Variants in ZPBP observed in about 807,000 individuals in gnomAD.
ZPBP encodes zona pellucida-binding protein 1.
In ZPBP, 26 loss-of-function variants were observed where a neutral mutation model predicts 44.8. The ratio of observed to expected loss-of-function variants is 0.58; its 90% CI spans 0.43 to 0.81. The LOEUF is 0.81. ZPBP is among the 30% of genes least tolerant of loss of function. The probability of loss-of-function intolerance (pLI) is 0.00; values close to 1 mark genes in which losing one functional copy is unlikely to be tolerated. For synonymous variants in ZPBP, 174 were observed against 153.2 expected (o/e 1.14, Z -1.00); for missense variants, 409 against 434.0 (o/e 0.94, Z 0.51).
At chr7:49,927,703 C>T (rs1166781712) in intron 1 of ZPBP, among the ~76,000 whole-genome samples, 1 of 152,200 alleles carries the variant, frequency 6.6e-6, no homozygotes, top group Non-Finnish European at 1.5e-5. Context: ...TAAGCGTACT[C>T]AGCAGCCCAT....
At chr7:50,064,968 G>T (rs1801427368) in intron 3 of ZPBP, among the ~76,000 whole-genome samples, 1 of 152,202 alleles carries the variant, frequency 6.6e-6, no homozygotes, top group African/African-American at 2.4e-5. Flanking sequence ...TTGCAGTAAA[G>T]ACAGGAATAA....
chr7:49,852,250 G>A (rs925728225), intron 2 of ZPBP, among the ~76,000 whole-genome samples: 8 of 152,220 alleles, frequency 5.3e-5, no homozygotes, highest in Non-Finnish European at 1.0e-4. Flanking sequence ...TTCCAGGTGA[G>A]TGACCCTGGA....
Position 49,877,489 on chromosome 7 carries a change from T to A in ZPBP, n.509+23629A>T, listed in dbSNP as rs1351174018. Reference sequence around the variant, plus strand: ...AAAAAAAAAAAAAAAAAAATATATATATATATATATATATATATATATATA... The same window carrying A: ...AAAAAAAAAAAAAAAAAAATATATAAATATATATATATATATATATATATA... On this transcript the variant is annotated intron_variant and non_coding_transcript_variant, in intron 2 of 2. Coordinates refer to the ZPBP transcript ENST00000465922. 4.9e-3 allele frequency among the ~76,000 whole-genome samples: 201 copies of A among 41,034 alleles called. 37 individuals are homozygous for A. Among genetic ancestry groups the A allele is most frequent in the African/African-American group, 0.018 (126 of 6,908 alleles). The allele number at this position is 41,034 out of a possible 152,430, so 26.9% of individuals were successfully genotyped here. A position where few individuals can be genotyped will look rare whatever the true frequency, so the allele number is the denominator to read the frequency against.
intron 2 of ZPBP, among the ~76,000 whole-genome samples, chr7:50,083,494 C>T (rs1802473785): frequency 6.6e-6 from 1 of 151,876 alleles, no homozygotes; most frequent in East Asian, 1.9e-4. Flanking sequence ...AGAAGCTCTT[C>T]AATACTGATT....
intron 2 of ZPBP, among the ~76,000 whole-genome samples, chr7:49,881,397 A>C (rs750283577): frequency 6.6e-6 from 1 of 152,164 alleles, no homozygotes; most frequent in Non-Finnish European, 1.5e-5. Context: ...GTCATAGGGG[A>C]GTCTGGAATG....
chr7:49,901,985 T>C (rs1230533953), intron 1 of ZPBP, among the ~76,000 whole-genome samples: 1 of 146,524 alleles, frequency 6.8e-6, no homozygotes, highest in Non-Finnish European at 1.5e-5. Flanking sequence ...AGCATCCACA[T>C]GTGAAAAAAT....
At chr7:50,033,414 C>T (rs935294111) in intron 4 of ZPBP, among the ~76,000 whole-genome samples, 1 of 152,066 alleles carries the variant, frequency 6.6e-6, no homozygotes, top group African/African-American at 2.4e-5. Flanking sequence ...TGCCCAAGTA[C>T]CCTGTCTACA....
downstream of ZPBP, among the ~76,000 whole-genome samples, chr7:49,933,559 C>T (rs1271559352): frequency 6.6e-6 from 1 of 152,112 alleles, no homozygotes; most frequent in Non-Finnish European, 1.5e-5. Flanking sequence ...TGGGTATATA[C>T]CCAAAGGATT....
chr7:49,967,889 A>G (rs1796125094), intron 7 of ZPBP, among the ~76,000 whole-genome samples: 1 of 152,140 alleles, frequency 6.6e-6, no homozygotes, highest in South Asian at 2.1e-4. Context: ...GTGGATGGGC[A>G]GGAATTTTTG....
intron 6 of ZPBP, among the ~76,000 whole-genome samples, chr7:50,010,523 T>C (rs776042074): frequency 1.3e-5 from 2 of 152,046 alleles, no homozygotes; most frequent in Non-Finnish European, 2.9e-5. Context: ...TAAAATCCAA[T>C]GTACACAAAT....
rs1437652468 is a variant in ZPBP at position 49,899,721 on chromosome 7, A to G, written n.509+1397T>C. Among the ~76,000 whole-genome samples, 4 of 151,990 alleles carry G rather than the reference A, an allele frequency of 2.6e-5. No homozygotes were observed. The East Asian group carries it at 7.7e-4, about 29-fold the overall frequency. ...AAGAAACAGGTGAATCCACTTTTATACTTGCATATTTCCACACCCCTCTAC... is the reference window on the plus strand; with the variant it reads ...AAGAAACAGGTGAATCCACTTTTATGCTTGCATATTTCCACACCCCTCTAC... On this transcript the variant is annotated intron_variant and non_coding_transcript_variant, in intron 2 of 2. Transcript: ENST00000465922.
chr7:50,011,251 G>A (rs913949913), intron 6 of ZPBP, among the ~76,000 whole-genome samples: 8 of 152,058 alleles, frequency 5.3e-5, no homozygotes, highest in African/African-American at 1.7e-4. Flanking sequence ...GACCTGAAAC[G>A]ATAAAAATTC....
rs144894284 is a variant in ZPBP at position 49,940,283 on chromosome 7, G to A, written c.962-2661C>T. Among the ~76,000 whole-genome samples the A allele has an allele frequency of 4.9e-3, 739 of 151,662 alleles. 4 individuals are homozygous for A. The highest frequency in any genetic ancestry group is 0.017 in the African/African-American group (695 of 41,358). On this transcript the variant is annotated intron_variant, in intron 7 of 7. Coordinates refer to ENST00000046087, the MANE Select transcript of ZPBP (RefSeq NM_007009.3). Reference sequence around the variant, plus strand: ...TAACGACAGTCAAGGAATAAAATTCGGAAAAAAATTGTAGCTATATAATCA... The same window carrying A: ...TAACGACAGTCAAGGAATAAAATTCAGAAAAAAATTGTAGCTATATAATCA...
At chr7:49,848,441 A>T (rs1386723244), downstream of ZPBP, among the ~76,000 whole-genome samples, 3 of 152,212 alleles carry the variant, frequency 2.0e-5, no homozygotes, top group African/African-American at 4.8e-5. Flanking sequence ...CCCAGGACAC[A>T]TGGGATCCTC....
chr7:50,037,793 G>A (rs1799887474), intron 4 of ZPBP, among the ~76,000 whole-genome samples: 1 of 152,090 alleles, frequency 6.6e-6, no homozygotes, highest in African/African-American at 2.4e-5. Flanking sequence ...TCAGCTCAAG[G>A]AGAGAGACAC....
At chr7:50,082,437 T>G (rs983225248) in intron 2 of ZPBP, among the ~76,000 whole-genome samples, 8 of 151,910 alleles carry the variant, frequency 5.3e-5, no homozygotes, top group Non-Finnish European at 1.0e-4. Flanking sequence ...GCTTTGAAAT[T>G]TAAATCCTGA....
At chr7:49,842,936 C>T in the ZPBP span, among the ~76,000 whole-genome samples, 1 of 152,052 alleles carries the variant, frequency 6.6e-6, no homozygotes, top group Non-Finnish European at 1.5e-5. Flanking sequence ...AATACATGTG[C>T]AGGTTTGATA....
At chr7:49,859,324 T>C (rs1359139300) in intron 2 of ZPBP, among the ~76,000 whole-genome samples, 1 of 152,190 alleles carries the variant, frequency 6.6e-6, no homozygotes, top group Non-Finnish European at 1.5e-5. Context: ...GTTTTTTTAT[T>C]TTAAGTCTGG....
At chr7:50,056,135 T>C (rs536374178) in intron 4 of ZPBP, 1 of 152,328 alleles carries the variant, frequency 6.6e-6, no homozygotes, top group African/African-American at 2.4e-5. Flanking sequence ...TTATTGACAC[T>C]GTAACAAATT....
Sources: allele counts gnomAD v4.1 joint callset (sites outside exome capture counted in the v4.1 genomes callset), GRCh38; gene constraint gnomAD v4.1.1; transcripts MANE v1.5; gene names NCBI Gene and HGNC (gene_info 2026-07-23, HGNC 2026-07-21).